RNF180: variants seen among roughly 807,000 people sequenced by gnomAD.
The protein encoded by RNF180 is E3 ubiquitin-protein ligase RNF180.
In RNF180, 38 loss-of-function variants were observed where a neutral mutation model predicts 59.2. That is an observed-to-expected ratio of 0.64 (90% CI 0.50 to 0.84). The LOEUF (loss-of-function observed/expected upper bound fraction) is 0.84, where lower values mean the gene tolerates loss of function less well. Among genes scored for constraint, RNF180 ranks in the 40% least tolerant of loss-of-function variants. The pLI, the probability that RNF180 is intolerant of heterozygous loss-of-function variation, is 0.00. For missense variants in RNF180, 705 were observed against 700.9 expected (o/e 1.01, Z -0.07); for synonymous variants, 262 against 240.3 (o/e 1.09, Z -0.84).
At chr5:64,209,778 AT>A (rs1414186385) in intron 2 of RNF180, among the ~76,000 whole-genome samples, 1 of 152,104 alleles carries the variant, frequency 6.6e-6, no homozygotes, top group Non-Finnish European at 1.5e-5. Flanking sequence ...GTTTTAAAGA[AT>A]TCATTAGAGT....
chr5:64,332,993 T>C (rs1744972368), intron 7 of RNF180, among the ~76,000 whole-genome samples: 1 of 152,122 alleles, frequency 6.6e-6, no homozygotes, highest in Non-Finnish European at 1.5e-5. Context: ...AAAGAAAAAT[T>C]GGTGCATGAA....
chr5:64,207,137 T>G (rs1032998328), intron 2 of RNF180, among the ~76,000 whole-genome samples: 5 of 151,862 alleles, frequency 3.3e-5, no homozygotes, highest in Non-Finnish European at 7.4e-5. Context: ...AGTTTGATAT[T>G]TATAACTTAA....
intron 5 of RNF180, among the ~76,000 whole-genome samples, chr5:64,250,039 T>A (rs1356734904): frequency 1.3e-5 from 2 of 152,164 alleles, no homozygotes; most frequent in Non-Finnish European, 2.9e-5. Flanking sequence ...ACATGGAACA[T>A]TCTCCAGGAT....
At chr5:64,338,106 T>C (rs1745206154) in intron 7 of RNF180, among the ~76,000 whole-genome samples, 1 of 152,202 alleles carries the variant, frequency 6.6e-6, no homozygotes, top group Non-Finnish European at 1.5e-5. Flanking sequence ...GGTTGAAATA[T>C]ATTGATATTG....
At chr5:64,195,323 A>G (rs1751401923) in intron 1 of RNF180, among the ~76,000 whole-genome samples, 1 of 152,200 alleles carries the variant, frequency 6.6e-6, no homozygotes, top group African/African-American at 2.4e-5. Context: ...CTAATATAGG[A>G]AAGTTTTATA....
intron 5 of RNF180, among the ~76,000 whole-genome samples, chr5:64,275,582 C>A (rs1741670553): frequency 6.6e-6 from 1 of 151,682 alleles, no homozygotes; most frequent in South Asian, 2.1e-4. Flanking sequence ...ATAATGGGTA[C>A]TTGCTGAATT....
chr5:64,166,168 C>T (rs1196497417), intron 1 of RNF180: 1 of 152,352 alleles, frequency 6.6e-6, no homozygotes, highest in East Asian at 1.9e-4. Flanking sequence ...ACTTTCGCAC[C>T]TGAGGCTCTC....
intron 5 of RNF180, among the ~76,000 whole-genome samples, chr5:64,292,185 C>T (rs557742499): frequency 2.0e-5 from 3 of 152,208 alleles, no homozygotes; most frequent in African/African-American, 4.8e-5. Flanking sequence ...TAAGGTGCTG[C>T]GGTCATTTGG....
intron 5 of RNF180, among the ~76,000 whole-genome samples, chr5:64,235,924 A>T (rs1475468300): frequency 1.3e-5 from 2 of 152,190 alleles, no homozygotes; most frequent in East Asian, 3.8e-4. Flanking sequence ...TTAATTAAAC[A>T]TTCTTTCTTT....
intron 5 of RNF180, among the ~76,000 whole-genome samples, chr5:64,299,181 A>G (rs554454231): frequency 6.6e-6 from 1 of 151,950 alleles, no homozygotes; most frequent in Non-Finnish European, 1.5e-5. Flanking sequence ...CAGACACTGA[A>G]TCTGCAAATT....
intron 7 of RNF180, among the ~76,000 whole-genome samples, chr5:64,340,209 CA>C (rs1745304480): frequency 6.6e-6 from 1 of 152,056 alleles, no homozygotes. Flanking sequence ...AACATTTTTG[CA>C]AAAAGTTCTA....
At chr5:64,260,046 A>C (rs1160557663) in intron 5 of RNF180, among the ~76,000 whole-genome samples, 1 of 152,230 alleles carries the variant, frequency 6.6e-6, no homozygotes, top group Non-Finnish European at 1.5e-5. Flanking sequence ...CTCATTTCTT[A>C]TTGACTTTAT....
At chr5:64,353,715 C>T (rs1303877073) in intron 7 of RNF180, among the ~76,000 whole-genome samples, 2 of 151,682 alleles carry the variant, frequency 1.3e-5, no homozygotes, top group Admixed American at 6.6e-5. Flanking sequence ...AAAAAGACAT[C>T]GTAGTACCAC....
chr5:64,357,939 T>C (rs948631303), intron 7 of RNF180, among the ~76,000 whole-genome samples: 1 of 151,856 alleles, frequency 6.6e-6, no homozygotes, highest in Non-Finnish European at 1.5e-5. Context: ...TGATATCAAC[T>C]TGTAGATTTT....
intron 1 of RNF180, among the ~76,000 whole-genome samples, chr5:64,193,617 C>G (rs1388263527): frequency 6.6e-6 from 1 of 152,146 alleles, no homozygotes; most frequent in African/African-American, 2.4e-5. Flanking sequence ...TAGCATTTAA[C>G]CAGTTCTTTG....
Position 64,213,935 on chromosome 5 carries a change from A to C in RNF180, c.609A>C (p.Ser203=). 1 of 1,614,070 alleles carries C rather than the reference A, an allele frequency of 6.2e-7. No individual in the cohort carries two copies. Among genetic ancestry groups the C allele is most frequent in the Non-Finnish European group, 8.5e-7 (1 of 1,179,968 alleles). The change falls in exon 4 of 8, where the codon TCA becomes TCC. Residue 203 remains serine (S), a synonymous_variant. Transcript: ENST00000389100. ...ACGAAAAACTGCTGTCCAAAGCATC[A>C]GAACCAAAATACCAGCTTTTTGTTC... ...MKNEKLLSKA[S]EPKYQLFVPQ...
intron 7 of RNF180, among the ~76,000 whole-genome samples, chr5:64,357,886 A>G (rs1486254423): frequency 6.6e-6 from 1 of 151,878 alleles, no homozygotes; most frequent in Non-Finnish European, 1.5e-5. Flanking sequence ...AATAAAATTG[A>G]AGAAAAGACA....
At chr5:64,242,111 C>G (rs1742843488) in intron 5 of RNF180, among the ~76,000 whole-genome samples, 1 of 152,194 alleles carries the variant, frequency 6.6e-6, no homozygotes. Context: ...CAATCCAGTG[C>G]TATGCTGTTT....
At chr5:64,211,919 T>C (rs903757186) in intron 2 of RNF180, 146 bp from the exon 3 acceptor site, 1 of 491,190 alleles carries the variant, frequency 2.0e-6, no homozygotes, top group African/African-American at 2.0e-5. Flanking sequence ...CTTGTTTTTT[T>C]ATTATGGGAG....
Sources: gnomAD v4.1 joint callset for allele counts (sites outside exome capture counted in the v4.1 genomes callset) on GRCh38, gnomAD v4.1.1 for gene constraint, MANE v1.5 for transcripts, NCBI Gene and HGNC (gene_info 2026-07-23, HGNC 2026-07-21) for gene names.